CRCP: variants seen among roughly 807,000 people sequenced by gnomAD.
CRCP encodes DNA-directed RNA polymerase III subunit RPC9.
A neutral mutation model predicts 18.5 loss-of-function variants in CRCP; 18 were observed. That is an observed-to-expected ratio of 0.97 (90% confidence interval 0.67 to 1.44). The LOEUF (loss-of-function observed/expected upper bound fraction) is 1.44. Among genes scored for constraint, CRCP ranks in the 40% most tolerant of loss-of-function variants. The pLI is 0.00. For synonymous variants in CRCP, 53 were observed against 62.9 expected, an observed-to-expected ratio of 0.84 and a Z score of 0.75; for missense variants, 130 against 176.4, an observed-to-expected ratio of 0.74 and a Z score of 1.49.
intron 4 of CRCP, among the ~76,000 whole-genome samples, chr7:66,135,594 ATG>A (rs1426685068): frequency 2.0e-5 from 3 of 152,178 alleles, no homozygotes; most frequent in Admixed American, 6.5e-5. Flanking sequence ...ATATGTATAC[ATG>A]TGCCATGAGG....
At position 66,151,667 on chromosome 7, in the gene CRCP, TTC is replaced by T. The variant is rs141979300; in HGVS notation, c.298-535_298-534del. Among the ~76,000 whole-genome samples, 65 of 65,142 alleles carry T rather than the reference TTC, an allele frequency of 1.0e-3. 1 individual carries two copies. In the East Asian group the frequency reaches 0.015, roughly 15 times the overall value. 42.7% of individuals were successfully genotyped at this position (65,142 alleles called of 152,430 possible). On this transcript the variant is annotated intron_variant, in intron 5 of 5. Transcript: ENST00000395326. The stretch of plus-strand genomic sequence containing the variant: ...GATGCATATGCAACCTGTTCACCAC[TTC>T]TCTCTGTGTGTGTGTGTGTGTGTGT...
chr7:66,133,885 G>A (rs1787889045), intron 3 of CRCP, among the ~76,000 whole-genome samples: 1 of 125,568 alleles, frequency 8.0e-6, no homozygotes. Context: ...TTGAGACAGA[G>A]TCTCACTCTG....
chr7:66,143,768 A>G (rs990924741), intron 4 of CRCP, among the ~76,000 whole-genome samples: 6 of 152,240 alleles, frequency 3.9e-5, no homozygotes, highest in Admixed American at 6.5e-5. Context: ...TTGCAACTGT[A>G]GACAAGTTAT....
At chr7:66,140,395 CTT>C (rs34069697) in intron 4 of CRCP, among the ~76,000 whole-genome samples, 18 of 142,754 alleles carry the variant, frequency 1.3e-4, no homozygotes, top group Non-Finnish European at 1.2e-4. Flanking sequence ...CTTTTCTTTT[CTT>C]TTTTTTTTTT....
At chr7:66,139,318 A>G (rs1324649997) in intron 4 of CRCP, among the ~76,000 whole-genome samples, 3 of 152,080 alleles carry the variant, frequency 2.0e-5, no homozygotes, top group African/African-American at 7.2e-5. Context: ...TTCAATTCTA[A>G]AGTTTCCATT....
intron 2 of CRCP, among the ~76,000 whole-genome samples, chr7:66,129,555 T>G (rs1787727722): frequency 6.6e-6 from 1 of 151,914 alleles, no homozygotes; most frequent in Non-Finnish European, 1.5e-5. Context: ...TACCCCCTTG[T>G]GGTGCTCCCC....
At chr7:66,117,497 C>T (rs777490258) in intron 1 of CRCP, among the ~76,000 whole-genome samples, 5 of 152,172 alleles carry the variant, frequency 3.3e-5, no homozygotes, top group South Asian at 4.1e-4. Flanking sequence ...TCTCTTCACT[C>T]CCTAAATCCA....
At chr7:66,125,595 G>A (rs1787596265) in intron 1 of CRCP, among the ~76,000 whole-genome samples, 2 of 149,290 alleles carry the variant, frequency 1.3e-5, no homozygotes, top group Admixed American at 1.3e-4. Flanking sequence ...TTATGTGAAA[G>A]AGGGTTTTCC....
In CRCP at chr7:66,152,557, GT is replaced by G; in HGVS notation, c.*202del. 1 of 591,976 alleles carries G rather than the reference GT, an allele frequency of 1.7e-6. No individual in the cohort carries two copies. The highest frequency in any genetic ancestry group is 2.9e-6 in the Non-Finnish European group (1 of 343,942). The allele number at this position is 591,976 out of a possible 1,614,324, so 36.7% of individuals were successfully genotyped here. A position where few individuals can be genotyped will look rare whatever the true frequency, so the allele number is the denominator to read the frequency against. ...AGAAACATGGTGAAAACAGGCTGAG[GT>G]TGTCAGGGCAGAGAGCTGAAGGTGG... On this transcript the variant is annotated 3_prime_UTR_variant, in exon 6 of 6. Coordinates refer to ENST00000395326, the MANE Select transcript of CRCP (RefSeq NM_014478.5).
At chr7:66,137,214 T>C (rs113010825) in intron 4 of CRCP, among the ~76,000 whole-genome samples, 134 of 152,354 alleles carry the variant, frequency 8.8e-4, no homozygotes, top group Non-Finnish European at 1.7e-3. Context: ...GATTTATACC[T>C]ATTTCATAAT....
intron 1 of CRCP, 23 bp downstream of exon 1, chr7:66,114,993 CT>C: frequency 6.2e-7 from 1 of 1,606,782 alleles, no homozygotes; most frequent in Non-Finnish European, 8.5e-7. Context: ...GGGCGCGTCC[CT>C]TTTCGCCCGA....
At chr7:66,124,497 TCCCTCCCTCCCTCCC>T (rs1787559189) in intron 1 of CRCP, among the ~76,000 whole-genome samples, 1 of 139,994 alleles carries the variant, frequency 7.1e-6, no homozygotes, top group Non-Finnish European at 1.5e-5. Flanking sequence ...CCCTCCCTCC[TCCCTCCCTCCCTCCC>T]TTCCTTCCTT....
rs875971 is a variant in CRCP, at chr7:66,152,608, T to C, written c.*251T>C. The C allele has an allele frequency of 0.57, 258,039 of 454,970 alleles. 74,740 individuals are homozygous for C. The highest frequency in any genetic ancestry group is 0.68 in the African/African-American group (34,356 of 50,332). 28.2% of individuals were successfully genotyped at this position (454,970 alleles called of 1,614,324 possible). A position where few individuals can be genotyped will look rare whatever the true frequency, so the allele number is the denominator to read the frequency against. On this transcript the variant is annotated 3_prime_UTR_variant, in exon 6 of 6. Transcript: ENST00000395326. ...GGGACAGTGACCGCGGACCCCTCTG[T>C]GCTTGAAAGATTTCCTCCACGGCCT...
At chr7:66,144,771 CCT>C (rs1159588277) in intron 4 of CRCP, among the ~76,000 whole-genome samples, 1 of 152,214 alleles carries the variant, frequency 6.6e-6, no homozygotes, top group Non-Finnish European at 1.5e-5. Context: ...AGCCACCACA[CCT>C]GGCCTAAGGT....
chr7:66,129,099 C>T (rs1348999227), intron 2 of CRCP, among the ~76,000 whole-genome samples: 1 of 151,976 alleles, frequency 6.6e-6, no homozygotes, highest in African/African-American at 2.4e-5. Context: ...TTTGGGAGGC[C>T]GAGGCGGGCG....
intron 3 of CRCP, among the ~76,000 whole-genome samples, chr7:66,133,733 A>C (rs1307203138): frequency 6.6e-6 from 1 of 151,418 alleles, no homozygotes; most frequent in Non-Finnish European, 1.5e-5. Flanking sequence ...TTTCTCCTAA[A>C]ATTTCATTAG....
chr7:66,152,266 C>G lies in CRCP; in HGVS notation c.356C>G (p.Thr119Ser). Residue 119 changes from threonine (T) to serine (S), a missense_variant, in exon 6 of 6, where the codon ACC (threonine) becomes AGC (serine). By Grantham distance (58) the Thr-to-Ser change is moderately conservative. Coordinates refer to ENST00000395326, the MANE Select transcript of CRCP (RefSeq NM_014478.5). ...TEEQIEALLH[T>S]VTSILPAEPE... ...GAGCAGATTGAAGCTCTTCTCCACACCGTCACCAGCATTCTGCCTGCAGAG... is the reference window on the plus strand; with the variant it reads ...GAGCAGATTGAAGCTCTTCTCCACAGCGTCACCAGCATTCTGCCTGCAGAG... 3 of 1,614,128 alleles carry G rather than the reference C, an allele frequency of 1.9e-6. No homozygotes were observed. Among genetic ancestry groups the G allele is most frequent in the Non-Finnish European group, 2.5e-6 (3 of 1,180,016 alleles).
At position 66,125,831 on chromosome 7, in the gene CRCP, CTCGAG is replaced by C. The variant is rs1787603351; in HGVS notation, c.9-1870_9-1866del. Among the ~76,000 whole-genome samples, 3 of 149,128 alleles carry C rather than the reference CTCGAG, an allele frequency of 2.0e-5. 1 individual carries two copies. The East Asian group carries it at 6.0e-4, about 30-fold the overall frequency. On this transcript the variant is annotated intron_variant, in intron 1 of 5. Coordinates refer to ENST00000395326, the MANE Select transcript of CRCP (RefSeq NM_014478.5). The stretch of plus-strand genomic sequence containing the variant: ...AAGAGAAAAAACATTCATATTTTTT[CTCGAG>C]TCAAGTATTCCAGGAAGGGATGTTT...
rs1448028448 is a variant in CRCP, at chr7:66,125,884, C to T, written c.9-1820C>T. 6.7e-5 allele frequency among the ~76,000 whole-genome samples: 10 copies of T among 149,036 alleles called. 1 individual carries two copies. Among genetic ancestry groups the T allele is most frequent in the African/African-American group, 2.2e-4 (9 of 41,206 alleles). On this transcript the variant is annotated intron_variant, in intron 1 of 5. Coordinates refer to ENST00000395326, the MANE Select transcript of CRCP (RefSeq NM_014478.5). Reference sequence around the variant, plus strand: ...TTTTAATGCCTCATATTTTGGAGAGCACAGGGAGTTATAACTCAATTTCAA... The same window carrying T: ...TTTTAATGCCTCATATTTTGGAGAGTACAGGGAGTTATAACTCAATTTCAA...
Sources: gnomAD v4.1 joint callset for allele counts (sites outside exome capture counted in the v4.1 genomes callset) on GRCh38, gnomAD v4.1.1 for gene constraint, MANE v1.5 for transcripts, NCBI Gene and HGNC (gene_info 2026-07-23, HGNC 2026-07-21) for gene names.